TSHZ2: variants seen among roughly 807,000 people sequenced by gnomAD.
TSHZ2 encodes teashirt zinc finger homeobox 2, also known as teashirt homolog 2.
TSHZ2 carries 21 observed loss-of-function variants against 74.4 expected under a neutral mutation model. The ratio of observed to expected loss-of-function variants is 0.28; its 90% confidence interval spans 0.20 to 0.41. The LOEUF is 0.41. TSHZ2 is among the 10% of genes least tolerant of loss of function. The pLI is 1.00. For synonymous variants in TSHZ2, 540 were observed against 515.3 expected (o/e 1.05, Z -0.65); for missense variants, 1,244 against 1,293.5 (o/e 0.96, Z 0.59).
intron 1 of TSHZ2, among the ~76,000 whole-genome samples, chr20:52,977,310 T>TAG (rs1981379219): frequency 6.6e-6 from 1 of 152,164 alleles, no homozygotes; most frequent in Non-Finnish European, 1.5e-5. Flanking sequence ...TCCCTCACTT[T>TAG]GTTTAAACAT....
chr20:53,049,892 G>A (rs1984363332), intron 1 of TSHZ2, among the ~76,000 whole-genome samples: 1 of 151,786 alleles, frequency 6.6e-6, no homozygotes, highest in South Asian at 2.1e-4. Flanking sequence ...GACTAGCCTG[G>A]CCAACACGGT....
At chr20:53,125,106 C>T (rs1213581504) in intron 1 of TSHZ2, among the ~76,000 whole-genome samples, 1 of 152,204 alleles carries the variant, frequency 6.6e-6, no homozygotes, top group Non-Finnish European at 1.5e-5. Context: ...GCGATTTTGT[C>T]ATCTCGAAAA....
At position 53,482,311 on chromosome 20, in the gene TSHZ2, G is replaced by A. The variant is rs569112970; in HGVS notation, c.*9-4833G>A. 6.6e-5 allele frequency among the ~76,000 whole-genome samples: 10 copies of A among 152,206 alleles called. No homozygotes were observed. The East Asian group carries it at 1.9e-3, about 29-fold the overall frequency. ...CTCTTAACCCTCTGTTTCCTAGGTT[G>A]AAAGTGTAGAAATTATGATCTCCTG... On this transcript the variant is annotated intron_variant, in intron 2 of 2. Coordinates refer to ENST00000371497, the MANE Select transcript of TSHZ2 (RefSeq NM_173485.6).
chr20:52,991,018 T>C (rs764219833), intron 1 of TSHZ2, among the ~76,000 whole-genome samples: 15 of 152,184 alleles, frequency 9.9e-5, no homozygotes, highest in Non-Finnish European at 2.1e-4. Context: ...TGTGAATACA[T>C]GTATATTATG....
chr20:53,237,572 C>CA (rs1286379699), intron 1 of TSHZ2, among the ~76,000 whole-genome samples: 1 of 151,628 alleles, frequency 6.6e-6, no homozygotes, highest in African/African-American at 2.4e-5. Context: ...AAAATATAGA[C>CA]AAAAAAAGAT....
At position 53,274,077 on chromosome 20, in the gene TSHZ2, G is replaced by A. The variant is rs117625666; in HGVS notation, c.*8+17506G>A. Among the ~76,000 whole-genome samples the A allele has an allele frequency of 7.2e-3, 1,091 of 152,218 alleles. 5 individuals are homozygous for A. The highest frequency in any genetic ancestry group is 0.011 in the Non-Finnish European group (781 of 68,006). On this transcript the variant is annotated intron_variant, in intron 2 of 2. Transcript: ENST00000371497. ...GGGCAGATCACAAGGTCAGGAGATC[G>A]AGACCATCCTGGTGAGACCTCATAT...
At position 53,487,993 on chromosome 20, in the gene TSHZ2, G is replaced by C. The variant is rs546116894; in HGVS notation, c.*858G>C. 2 of 152,348 alleles carry C rather than the reference G, an allele frequency of 1.3e-5. No homozygotes were observed. Among genetic ancestry groups the C allele is most frequent in the African/African-American group, 4.8e-5 (2 of 41,582 alleles). The allele number at this position is 152,348 out of a possible 1,614,324, so 9.4% of individuals were successfully genotyped here. ...AAATGCAGAATCTGAGAGAACGCGAGAAGATGAGATCATTACAGGGTGGAA... is the reference window on the plus strand; with the variant it reads ...AAATGCAGAATCTGAGAGAACGCGACAAGATGAGATCATTACAGGGTGGAA... On this transcript the variant is annotated 3_prime_UTR_variant, in exon 3 of 3. Transcript: ENST00000371497.
At chr20:53,039,781 A>AACACAC (rs61356112) in intron 1 of TSHZ2, among the ~76,000 whole-genome samples, 7 of 149,702 alleles carry the variant, frequency 4.7e-5, no homozygotes, top group East Asian at 2.0e-4. Context: ...CTCCATCTCA[A>AACACAC]ACACACACAC....
intron 2 of TSHZ2, among the ~76,000 whole-genome samples, chr20:53,479,734 A>G (rs898239355): frequency 3.3e-5 from 5 of 152,200 alleles, no homozygotes; most frequent in Admixed American, 6.5e-5. Flanking sequence ...TCCACGCCCA[A>G]TGGGCATTTG....
chr20:52,997,864 T>A, intron 1 of TSHZ2, among the ~76,000 whole-genome samples: 1 of 151,966 alleles, frequency 6.6e-6, no homozygotes, highest in Admixed American at 6.5e-5. Flanking sequence ...TAAACTCCCC[T>A]GCTTTTAGGA....
chr20:53,032,854 C>A (rs765818834), intron 1 of TSHZ2, among the ~76,000 whole-genome samples: 1 of 152,130 alleles, frequency 6.6e-6, no homozygotes, highest in Non-Finnish European at 1.5e-5. Flanking sequence ...CCTTACCACA[C>A]TCCCATCATT....
intron 1 of TSHZ2, among the ~76,000 whole-genome samples, chr20:52,982,285 T>C (rs6022197): frequency 0.092 from 13,956 of 152,220 alleles, 790 homozygotes; most frequent in African/African-American, 0.15. Context: ...AGTCCATGCA[T>C]TTAATTTATT....
chr20:53,043,408 T>G (rs907709762), intron 1 of TSHZ2, among the ~76,000 whole-genome samples: 1 of 152,114 alleles, frequency 6.6e-6, no homozygotes, highest in Admixed American at 6.6e-5. Flanking sequence ...TACTGATAAA[T>G]ATTATCAATT....
chr20:53,264,111 C>T (rs1404330710), intron 2 of TSHZ2, among the ~76,000 whole-genome samples: 5 of 152,236 alleles, frequency 3.3e-5, no homozygotes, highest in Non-Finnish European at 7.3e-5. Context: ...TCATTGCCGG[C>T]GTAGCTTGTG....
chr20:53,262,611 A>G (rs1355814703), intron 2 of TSHZ2, among the ~76,000 whole-genome samples: 1 of 152,220 alleles, frequency 6.6e-6, no homozygotes, highest in African/African-American at 2.4e-5. Flanking sequence ...ATGAAGAACA[A>G]TGCAGTTTTA....
intron 2 of TSHZ2, among the ~76,000 whole-genome samples, chr20:53,303,958 C>T (rs1279574268): frequency 6.6e-6 from 1 of 152,106 alleles, no homozygotes; most frequent in East Asian, 1.9e-4. Context: ...CTAGAGTTAA[C>T]CCAAGGTGGA....
At chr20:52,991,022 T>C (rs1444627162) in intron 1 of TSHZ2, among the ~76,000 whole-genome samples, 1 of 152,178 alleles carries the variant, frequency 6.6e-6, no homozygotes, top group African/African-American at 2.4e-5. Context: ...AATACATGTA[T>C]ATTATGTGTG....
intron 1 of TSHZ2, among the ~76,000 whole-genome samples, chr20:53,216,756 A>G (rs1042730231): frequency 7.9e-5 from 12 of 152,212 alleles, no homozygotes; most frequent in East Asian, 7.7e-4. Context: ...CTATAAATCA[A>G]TCCTCTTTCC....
At chr20:53,054,142 T>G (rs990860797) in intron 1 of TSHZ2, among the ~76,000 whole-genome samples, 4 of 152,208 alleles carry the variant, frequency 2.6e-5, no homozygotes, top group Admixed American at 2.6e-4. Context: ...TGTGGGCAAT[T>G]ATCTCATGAT....
Sources: allele counts gnomAD v4.1 joint callset (sites outside exome capture counted in the v4.1 genomes callset), GRCh38; gene constraint gnomAD v4.1.1; transcripts MANE v1.5; gene names NCBI Gene and HGNC (gene_info 2026-07-23, HGNC 2026-07-21).